TNK2: variants seen among roughly 807,000 people sequenced by gnomAD.
The protein encoded by TNK2 is activated CDC42 kinase 1.
In TNK2, 83 loss-of-function variants were observed where a neutral mutation model predicts 101.8. That is an observed-to-expected ratio of 0.82 (90% CI 0.68 to 0.98). The LOEUF (loss-of-function observed/expected upper bound fraction) is 0.98, where lower values mean the gene tolerates loss of function less well. Ranked by LOEUF, TNK2 falls within the 50% of genes least tolerant of loss-of-function variation. The probability of loss-of-function intolerance (pLI) is 0.00; values close to 1 mark genes in which losing one functional copy is unlikely to be tolerated. For missense variants in TNK2, 1,665 were observed against 1,483.2 expected, an observed-to-expected ratio of 1.12 and a Z score of -2.01; for synonymous variants, 804 against 633.0, an observed-to-expected ratio of 1.27 and a Z score of -4.06.
chr3:195,896,132 CGCGCCCAGCACTG>C (rs1560542314), intron 1 of TNK2: 1 of 455,474 alleles, frequency 2.2e-6, no homozygotes, highest in South Asian at 1.5e-5. Flanking sequence ...GCGGGGGTGC[CGCGCCCAGCACTG>C]GCGCGAGGCC....
At position 195,885,247 on chromosome 3, in the gene TNK2, G is replaced by A; in HGVS notation, c.235-214C>T. On this transcript the variant is annotated intron_variant, in intron 3 of 15. Transcript: ENST00000672887. This position sits in a 1 kb window ranked among gnomAD's most constrained non-coding sequence, Gnocchi z 4.7. ...ACCCAAAGCCTGATGCTGGCCTCAAGGAGGGTGCCAGAAAGAGACCGACAG... is the reference window on the plus strand; with the variant it reads ...ACCCAAAGCCTGATGCTGGCCTCAAAGAGGGTGCCAGAAAGAGACCGACAG... 9.3e-7 allele frequency: 1 copy of A among 1,071,150 alleles called. No homozygotes were observed. The highest frequency in any genetic ancestry group is 1.3e-6 in the Non-Finnish European group (1 of 767,888). 66.4% of individuals were successfully genotyped at this position (1,071,150 alleles called of 1,614,324 possible). A position where few individuals can be genotyped will look rare whatever the true frequency, so the allele number is the denominator to read the frequency against.
Position 195,878,951 on chromosome 3 carries a change from A to G in TNK2, c.1014+98T>C. 3 of 1,542,346 alleles carry G rather than the reference A, an allele frequency of 1.9e-6. No homozygotes were observed. Among genetic ancestry groups the G allele is most frequent in the Non-Finnish European group, 2.6e-6 (3 of 1,141,594 alleles). ...GGAGGCACGGGGCGTGGGAGGAGGG[A>G]GTCCATTGGTGAGAGGCAGTTCCAG... On this transcript the variant is annotated intron_variant, in intron 7 of 15. Transcript: ENST00000672887. This position sits in a 1 kb window ranked among gnomAD's most constrained non-coding sequence, Gnocchi z 4.7.
At chr3:195,907,345 C>A (rs1761836258) in intron 1 of TNK2, among the ~76,000 whole-genome samples, 1 of 152,204 alleles carries the variant, frequency 6.6e-6, no homozygotes, top group Non-Finnish European at 1.5e-5. Context: ...GCTCCTCCAG[C>A]AGCTGCTACC....
Position 195,878,172 on chromosome 3 carries a change from C to A in TNK2, c.1256+81G>T, listed in dbSNP as rs1029262445. On this transcript the variant is annotated intron_variant, in intron 9 of 15. Coordinates refer to ENST00000672887, the MANE Select transcript of TNK2 (RefSeq NM_001382273.1). This position sits in a 1 kb window ranked among gnomAD's most constrained non-coding sequence, Gnocchi z 4.7. The stretch of plus-strand genomic sequence containing the variant: ...TATGTGGCCAAGGGAATCTTGGAGG[C>A]CAAACAGATCTGTCCACAGGTCCCT... 1.4e-6 allele frequency: 2 copies of A among 1,462,976 alleles called. No individual in the cohort carries two copies. Among genetic ancestry groups the A allele is most frequent in the Non-Finnish European group, 1.9e-6 (2 of 1,045,778 alleles). The allele number at this position is 1,462,976 out of a possible 1,614,324, so 90.6% of individuals were successfully genotyped here.
At chr3:195,881,928 G>T in intron 6 of TNK2, 123 bp downstream of exon 6, 1 of 1,219,528 alleles carries the variant, frequency 8.2e-7, no homozygotes, top group Non-Finnish European at 1.1e-6. Flanking sequence ...GGGCACCCCA[G>T]GCTTAGAACA....
In TNK2 at chr3:195,868,280, C is replaced by T. The variant is rs763392797; in HGVS notation, c.2018G>A (p.Gly673Glu). ...CSINSTLVGA[G>E]VPAGPSQGQT... Reference sequence around the variant, plus strand: ...GCCCTGGCTGGGCCCGGCAGGGACCCCCGCGCCCACGAGGGTGCTGTTGAT... The same window carrying T: ...GCCCTGGCTGGGCCCGGCAGGGACCTCCGCGCCCACGAGGGTGCTGTTGAT... Residue 673 changes from glycine (G) to glutamate (E), a missense_variant, in exon 13 of 16, where the codon GGG (glycine) becomes GAG (glutamate). Physicochemically the swap from Gly to Glu is moderately conservative, Grantham distance 98. This residue lies in a region of TNK2 where 1,136 missense variants were observed against 894.9 expected (regional missense o/e 1.27). Coordinates refer to ENST00000672887, the MANE Select transcript of TNK2 (RefSeq NM_001382273.1). The T allele has an allele frequency of 2.1e-5, 33 of 1,604,022 alleles. No individual in the cohort carries two copies. The highest frequency in any genetic ancestry group is 2.8e-5 in the Non-Finnish European group (33 of 1,179,546).
Position 195,868,246 on chromosome 3 carries a change from G to A in TNK2, c.2052C>T (p.Asn684=), listed in dbSNP as rs199684133. ...GCGCCTGCTCAGGCACAAAGGCGTA[G>A]TTGGTCTGGCCCTGGCTGGGCCCGG... is the stretch of plus-strand genomic sequence containing the variant. ...VPAGPSQGQT[N]YAFVPEQARP... Residue 684 remains asparagine, a synonymous_variant, in exon 13 of 16, where the codon AAC becomes AAT. Transcript: ENST00000672887. The A allele has an allele frequency of 2.5e-6, 4 of 1,605,496 alleles. No individual in the cohort carries two copies. Among genetic ancestry groups the A allele is most frequent in the African/African-American group, 2.7e-5 (2 of 74,974 alleles).
At chr3:195,895,297 C>T (rs750877530) in intron 1 of TNK2, 20 of 1,573,904 alleles carry the variant, frequency 1.3e-5, no homozygotes, top group Non-Finnish European at 1.3e-5. Flanking sequence ...ATCTCTCCCC[C>T]ATGGAGCCCC....
intron 1 of TNK2, among the ~76,000 whole-genome samples, chr3:195,906,193 G>T (rs1296209678): frequency 6.6e-6 from 1 of 152,108 alleles, no homozygotes; most frequent in Non-Finnish European, 1.5e-5. Flanking sequence ...TCAAAGACAT[G>T]GACAAACCAG....
intron 15 of TNK2, among the ~76,000 whole-genome samples, chr3:195,865,241 C>T (rs55725156): frequency 0.084 from 9,218 of 109,364 alleles, 6 homozygotes; most frequent in Non-Finnish European, 0.095. Context: ...AAGAACCACC[C>T]GAGACAGTGA....
rs775031492 is a variant in TNK2 at position 195,886,928 on chromosome 3, G to GCC, written c.234+48_234+49insGG. ...TTCCCAGGACCAGAAGCGGAGGGGG[G>GCC]CGTTCGAGGCTGCCCCCCTCCCACC... is the stretch of plus-strand genomic sequence containing the variant. On this transcript the variant is annotated intron_variant, in intron 3 of 15. Transcript: ENST00000672887. The surrounding 1 kb of genome is among the most constrained non-coding windows in gnomAD (Gnocchi z 4.2). The GCC allele has an allele frequency of 2.5e-6, 4 of 1,595,780 alleles. No individual in the cohort carries two copies. The South Asian group carries it at 4.4e-5, about 18-fold the overall frequency.
At chr3:195,905,830 C>A (rs1372153861) in intron 1 of TNK2, among the ~76,000 whole-genome samples, 1 of 152,144 alleles carries the variant, frequency 6.6e-6, no homozygotes, top group Non-Finnish European at 1.5e-5. Context: ...AAAAACACAG[C>A]ATTTTGCACT....
At chr3:195,879,338 G>A (rs937853224) in intron 6 of TNK2, 163 bp from the exon 7 acceptor site, 12 of 998,756 alleles carry the variant, frequency 1.2e-5, no homozygotes, top group South Asian at 8.2e-5. Context: ...ACCCCTTGAC[G>A]ACACGATGCA....
chr3:195,900,173 G>A (rs1460338233), intron 1 of TNK2, among the ~76,000 whole-genome samples: 1 of 152,102 alleles, frequency 6.6e-6, no homozygotes, highest in Non-Finnish European at 1.5e-5. Context: ...GGACTGCGAA[G>A]GGGTGCTGGG....
intron 9 of TNK2, chr3:195,876,781 T>A (rs9815549): frequency 1.3e-4 from 50 of 370,466 alleles, no homozygotes; most frequent in African/African-American, 7.6e-4. Context: ...CCCACAACCC[T>A]CCCAGGAGCA....
intron 1 of TNK2, among the ~76,000 whole-genome samples, chr3:195,899,506 T>C (rs1238030277): frequency 6.6e-6 from 1 of 152,102 alleles, no homozygotes; most frequent in Non-Finnish European, 1.5e-5. Context: ...TTTATATTTT[T>C]AGTAGAGTTG....
chr3:195,879,065 C>G lies in TNK2; in HGVS notation c.998G>C (p.Gly333Ala). The G allele has an allele frequency of 6.2e-7, 1 of 1,613,672 alleles. No homozygotes were observed. The highest frequency in any genetic ancestry group is 8.5e-7 in the Non-Finnish European group (1 of 1,179,988). The change falls in exon 7 of 16, where the codon GGC (glycine) becomes GCC (alanine). Residue 333 changes from glycine to alanine, a missense_variant. Coordinates refer to ENST00000672887, the MANE Select transcript of TNK2 (RefSeq NM_001382273.1). ...MFTYGQEPWIGLNGSQILHKI... is the reference protein window; with the variant it reads ...MFTYGQEPWIALNGSQILHKI... Reference sequence around the variant, plus strand: ...AGCCCTCACCTGACTGCCGTTGAGGCCGATCCAGGGCTCCTGGCCGTAGGT... The same window carrying G: ...AGCCCTCACCTGACTGCCGTTGAGGGCGATCCAGGGCTCCTGGCCGTAGGT...
intron 1 of TNK2, among the ~76,000 whole-genome samples, chr3:195,889,234 G>A (rs541824784): frequency 2.6e-5 from 4 of 152,158 alleles, no homozygotes; most frequent in Admixed American, 6.5e-5. Context: ...CGGTGGGCTC[G>A]CAGACACCCC....
At chr3:195,874,215 G>T (rs1206935703) in intron 9 of TNK2, among the ~76,000 whole-genome samples, 1 of 152,242 alleles carries the variant, frequency 6.6e-6, no homozygotes, top group African/African-American at 2.4e-5. Flanking sequence ...ATGCCGCTGA[G>T]GCCGAGACCT....
Sources: gnomAD v4.1 joint callset for allele counts (sites outside exome capture counted in the v4.1 genomes callset) on GRCh38, gnomAD v4.1.1 for gene constraint, gnomAD v4.1.1 regional missense constraint, Gnocchi (gnomAD v3.1) non-coding constraint, MANE v1.5 for transcripts, NCBI Gene and HGNC (gene_info 2026-07-23, HGNC 2026-07-21) for gene names.